The following CWF19L2 variants were observed in gnomAD, a reference collection of about 807,000 sequenced individuals.
CWF19L2 encodes the protein CWF19 like cell cycle control factor 2, also known as CWF19-like protein 2.
In CWF19L2, 98 loss-of-function variants were observed where a neutral mutation model predicts 111.7. The observed-to-expected ratio is 0.88, with a 90% CI of 0.75 to 1.04. CWF19L2 has a LOEUF of 1.04. CWF19L2 is among the 50% of genes least tolerant of loss of function. CWF19L2 has a pLI of 0.00. For missense variants in CWF19L2, 1,101 were observed against 1,051.4 expected, an observed-to-expected ratio of 1.05 and a Z score of -0.65; for synonymous variants, 351 against 342.9, an observed-to-expected ratio of 1.02 and a Z score of -0.26.
intron 12 of CWF19L2, among the ~76,000 whole-genome samples, chr11:107,376,652 A>AAT (rs1326839948): frequency 2.9e-5 from 1 of 34,008 alleles, no homozygotes; most frequent in East Asian, 8.6e-4. Context: ...ACCCACAGCC[A>AAT]ATATCATACT....
intron 10 of CWF19L2, among the ~76,000 whole-genome samples, chr11:107,396,220 C>T (rs1419380619): frequency 6.6e-6 from 1 of 152,152 alleles, no homozygotes; most frequent in East Asian, 1.9e-4. Context: ...TCAAAAGAAA[C>T]CAGAAACACT....
At chr11:107,450,387 T>C (rs996418345) in intron 3 of CWF19L2, among the ~76,000 whole-genome samples, 22 of 152,096 alleles carry the variant, frequency 1.4e-4, no homozygotes, top group African/African-American at 5.3e-4. Context: ...TCTGGAAATT[T>C]AAAAACTCAT....
intron 5 of CWF19L2, 41 bp downstream of exon 5, chr11:107,441,462 A>T: frequency 6.9e-7 from 1 of 1,453,034 alleles, no homozygotes; most frequent in Non-Finnish European, 9.1e-7. Context: ...AGTTTATTAA[A>T]GGTAAATTAG....
intron 9 of CWF19L2, among the ~76,000 whole-genome samples, chr11:107,417,088 A>G (rs1861237572): frequency 6.6e-6 from 1 of 152,196 alleles, no homozygotes; most frequent in African/African-American, 2.4e-5. Context: ...ACACAGAAAT[A>G]TCTTGTTTGG....
rs970726670 is a variant in CWF19L2, at chr11:107,326,456, T to A, written c.*454A>T. The A allele has an allele frequency of 1.3e-5, 2 of 152,570 alleles. No homozygotes were observed. Among genetic ancestry groups the A allele is most frequent in the African/African-American group, 4.8e-5 (2 of 41,458 alleles). 9.5% of individuals were successfully genotyped at this position (152,570 alleles called of 1,614,324 possible). ...ATACTATATACTGCTAGTAGAAAAT[T>A]AAGAGCTTTTCTATAAAATCCTATG... On this transcript the variant is annotated 3_prime_UTR_variant, in exon 18 of 18. Transcript: ENST00000282251.
intron 12 of CWF19L2, among the ~76,000 whole-genome samples, chr11:107,356,349 C>T (rs948534055): frequency 2.2e-4 from 33 of 151,988 alleles, no homozygotes; most frequent in African/African-American, 7.2e-4. Context: ...AAAAATAAAA[C>T]CCAATGTAAA....
chr11:107,331,946 T>G (rs1004993712), intron 16 of CWF19L2, among the ~76,000 whole-genome samples: 13 of 152,246 alleles, frequency 8.5e-5, no homozygotes, highest in Non-Finnish European at 1.5e-4. Context: ...TCCTTTTTTC[T>G]GCACTGGCCA....
At chr11:107,328,187 G>A in intron 17 of CWF19L2, among the ~76,000 whole-genome samples, 1 of 151,058 alleles carries the variant, frequency 6.6e-6, no homozygotes, top group East Asian at 1.9e-4. Flanking sequence ...ACCAGGAGAT[G>A]CTTCATGGAA....
At chr11:107,396,900 T>G (rs1243625534) in intron 10 of CWF19L2, among the ~76,000 whole-genome samples, 2 of 152,068 alleles carry the variant, frequency 1.3e-5, no homozygotes, top group Non-Finnish European at 2.9e-5. Context: ...ACCCCCCAAC[T>G]GGAGAAGTTG....
chr11:107,405,849 A>AG (rs1286302319), intron 10 of CWF19L2, among the ~76,000 whole-genome samples: 62 of 124,948 alleles, frequency 5.0e-4, no homozygotes, highest in African/African-American at 1.3e-3. Context: ...CAAAAAAAAA[A>AG]AAAGAAGAAG....
chr11:107,360,399 G>A (rs1204623096), intron 12 of CWF19L2, among the ~76,000 whole-genome samples: 3 of 152,158 alleles, frequency 2.0e-5, no homozygotes, highest in African/African-American at 7.2e-5. Context: ...ATAGACACAG[G>A]TTGATTACAT....
rs144982259 is a variant in CWF19L2, at chr11:107,439,021, C to T, written c.664+69G>A. ...CCACTGCACTCCCTGGCTGACAGAG[C>T]GAGACTCTGTCTCGAAAAAAAAAAA... On this transcript the variant is annotated intron_variant, in intron 6 of 17. Coordinates refer to ENST00000282251, the MANE Select transcript of CWF19L2 (RefSeq NM_152434.3). 7.5e-4 allele frequency: 536 copies of T among 717,740 alleles called. 2 individuals are homozygous for T. In the African/African-American group the frequency reaches 0.011, roughly 15 times the overall value. 44.5% of individuals were successfully genotyped at this position (717,740 alleles called of 1,614,324 possible). A position where few individuals can be genotyped will look rare whatever the true frequency, so the allele number is the denominator to read the frequency against.
At chr11:107,373,376 A>G (rs1395997481) in intron 12 of CWF19L2, among the ~76,000 whole-genome samples, 1 of 134,728 alleles carries the variant, frequency 7.4e-6, no homozygotes, top group East Asian at 2.2e-4. Context: ...CCCCTGTCTG[A>G]CAGCTTTGAA....
At chr11:107,360,519 T>C (rs1450476030) in intron 12 of CWF19L2, among the ~76,000 whole-genome samples, 2 of 152,216 alleles carry the variant, frequency 1.3e-5, no homozygotes, top group East Asian at 1.9e-4. Flanking sequence ...GATTGCTGAA[T>C]CAAATGATAG....
chr11:107,436,987 A>G (rs1220448492), intron 6 of CWF19L2, among the ~76,000 whole-genome samples: 1 of 152,176 alleles, frequency 6.6e-6, no homozygotes, highest in African/African-American at 2.4e-5. Flanking sequence ...AAATATGACA[A>G]AATAATTTTG....
At chr11:107,405,785 T>A (rs1411867291) in intron 10 of CWF19L2, among the ~76,000 whole-genome samples, 1 of 150,518 alleles carries the variant, frequency 6.6e-6, no homozygotes, top group Non-Finnish European at 1.5e-5. Flanking sequence ...TTGGGATATA[T>A]TTTAACAAGA....
chr11:107,455,788 G>GAA lies in CWF19L2; in HGVS notation c.106-14_106-13dup. On this transcript the variant is annotated splice_polypyrimidine_tract_variant and intron_variant, in intron 1 of 17. Coordinates refer to ENST00000282251, the MANE Select transcript of CWF19L2 (RefSeq NM_152434.3). The stretch of plus-strand genomic sequence containing the variant: ...AAATTGGCTTTAGCCTACAACCAAA[G>GAA]AAAAAAAAAAGACAAACTGGCAATT... 36 of 1,298,900 alleles carry GAA rather than the reference G, an allele frequency of 2.8e-5. No homozygotes were observed. Among genetic ancestry groups the GAA allele is most frequent in the South Asian group, 7.6e-5 (5 of 65,928 alleles). 80.5% of individuals were successfully genotyped at this position (1,298,900 alleles called of 1,614,324 possible).
At position 107,373,413 on chromosome 11, in the gene CWF19L2, G is replaced by T. The variant is rs1315823316; in HGVS notation, c.1872+16661C>A. 2.2e-5 allele frequency among the ~76,000 whole-genome samples: 3 copies of T among 135,882 alleles called. 1 individual carries two copies. Among genetic ancestry groups the T allele is most frequent in the African/African-American group, 8.9e-5 (3 of 33,682 alleles). The allele number at this position is 135,882 out of a possible 152,430, so 89.1% of individuals were successfully genotyped here. On this transcript the variant is annotated intron_variant, in intron 12 of 17. Transcript: ENST00000282251. The stretch of plus-strand genomic sequence containing the variant: ...ACAGCAGTGGTTCTCCCAGCACGCA[G>T]CTGAAGATCTGAGAACGGGCAGACT...
rs1860634618 is a variant in CWF19L2, at chr11:107,378,726, C to T, written c.1872+11348G>A. On this transcript the variant is annotated intron_variant, in intron 12 of 17. Coordinates refer to ENST00000282251, the MANE Select transcript of CWF19L2 (RefSeq NM_152434.3). Reference sequence around the variant, plus strand: ...GGCACATGTATACATATGTAACTAACCTGCACATTGTGCACATGTACCCTA... The same window carrying T: ...GGCACATGTATACATATGTAACTAATCTGCACATTGTGCACATGTACCCTA... Among the ~76,000 whole-genome samples, 3 of 151,818 alleles carry T rather than the reference C, an allele frequency of 2.0e-5. No individual in the cohort carries two copies. In the South Asian group the frequency reaches 6.3e-4, roughly 32 times the overall value.
Sources: gnomAD v4.1 joint callset for allele counts (sites outside exome capture counted in the v4.1 genomes callset) on GRCh38, gnomAD v4.1.1 for gene constraint, MANE v1.5 for transcripts, NCBI Gene and HGNC (gene_info 2026-07-23, HGNC 2026-07-21) for gene names.